C10orf88: variants seen among roughly 807,000 people sequenced by gnomAD.
C10orf88 encodes ATPase PAAT.
C10orf88 carries 29 observed loss-of-function variants against 34.2 expected under a neutral mutation model. The observed-to-expected ratio is 0.85, with a 90% CI of 0.63 to 1.16. The LOEUF (loss-of-function observed/expected upper bound fraction) is 1.16. C10orf88 is among the 50% of genes most tolerant of loss of function. The probability of loss-of-function intolerance (pLI) is 0.00; values close to 1 mark genes in which losing one functional copy is unlikely to be tolerated. For missense variants in C10orf88, 507 were observed against 533.2 expected, an observed-to-expected ratio of 0.95 and a Z score of 0.48; for synonymous variants, 194 against 197.4, an observed-to-expected ratio of 0.98 and a Z score of 0.15.
At chr10:122,938,192 A>G in intron 4 of C10orf88, 33 bp from the exon 5 acceptor site, 1 of 1,506,180 alleles carries the variant, frequency 6.6e-7, no homozygotes, top group Non-Finnish European at 9.0e-7. Context: ...TGTTAATATT[A>G]ATAACACTGA....
chr10:122,949,942 C>A (rs149254582), intron 3 of C10orf88, among the ~76,000 whole-genome samples: 2 of 152,294 alleles, frequency 1.3e-5, no homozygotes, highest in Non-Finnish European at 2.9e-5. Context: ...ATTTTTCTAA[C>A]TTGTTAAAGG....
chr10:122,932,371 TGGC>T lies in C10orf88; in HGVS notation c.*53_*55del. On this transcript the variant is annotated 3_prime_UTR_variant, in exon 6 of 6. Coordinates refer to ENST00000481909, the MANE Select transcript of C10orf88 (RefSeq NM_024942.4). ...GCTTTTTATAAATATTTTTGGGTTT[TGGC>T]TTTGTAATAAATATGTAATAAATAT... is the stretch of plus-strand genomic sequence containing the variant. 2 of 1,427,364 alleles carry T rather than the reference TGGC, an allele frequency of 1.4e-6. No individual in the cohort carries two copies. The highest frequency in any genetic ancestry group is 1.3e-5 in the South Asian group (1 of 77,134). 88.4% of individuals were successfully genotyped at this position (1,427,364 alleles called of 1,614,324 possible). A position where few individuals can be genotyped will look rare whatever the true frequency, so the allele number is the denominator to read the frequency against.
chr10:122,941,912 A>T (rs375277119), intron 4 of C10orf88, among the ~76,000 whole-genome samples: 6 of 152,060 alleles, frequency 3.9e-5, no homozygotes, highest in South Asian at 2.1e-4. Flanking sequence ...CTACATGCAT[A>T]AAAAAACTCT....
intron 1 of C10orf88, among the ~76,000 whole-genome samples, chr10:122,953,239 G>A (rs1848709881): frequency 6.6e-6 from 1 of 152,096 alleles, no homozygotes; most frequent in African/African-American, 2.4e-5. Context: ...CACCGCGCCC[G>A]GCTAATTTTT....
intron 4 of C10orf88, among the ~76,000 whole-genome samples, chr10:122,946,737 G>A (rs1330521824): frequency 6.6e-6 from 1 of 152,138 alleles, no homozygotes; most frequent in East Asian, 1.9e-4. Context: ...GGTTGGCTAA[G>A]AAAGGTGTCA....
At chr10:122,949,525 T>C (rs999475747) in intron 3 of C10orf88, among the ~76,000 whole-genome samples, 1 of 152,156 alleles carries the variant, frequency 6.6e-6, no homozygotes, top group Admixed American at 6.6e-5. Context: ...CAGTAACATA[T>C]ACAGCAGGGA....
At chr10:122,938,492 T>G (rs887072409) in intron 4 of C10orf88, among the ~76,000 whole-genome samples, 22 of 152,062 alleles carry the variant, frequency 1.4e-4, no homozygotes, top group African/African-American at 5.1e-4. Flanking sequence ...ACACTAATGT[T>G]TCCACTACAA....
At chr10:122,953,990 C>T (rs1282165145) in intron 1 of C10orf88, 25 bp downstream of exon 1, 1 of 1,503,222 alleles carries the variant, frequency 6.7e-7, no homozygotes, top group Admixed American at 2.2e-5. Context: ...AGCATAGCGA[C>T]CCCGTCCCCG....
intron 1 of C10orf88, among the ~76,000 whole-genome samples, 168 bp downstream of exon 1, chr10:122,953,847 C>A (rs1455732818): frequency 3.3e-5 from 5 of 151,610 alleles, no homozygotes; most frequent in Non-Finnish European, 7.4e-5. Flanking sequence ...GGACCCACCC[C>A]CCTCCGCCCA....
At chr10:122,940,702 G>A (rs977390996) in intron 4 of C10orf88, among the ~76,000 whole-genome samples, 1 of 152,036 alleles carries the variant, frequency 6.6e-6, no homozygotes, top group Admixed American at 6.6e-5. Flanking sequence ...GTGCCTGGTA[G>A]CTAATCCTTT....
Position 122,931,017 on chromosome 10 carries a change from C to G in C10orf88, c.*1410G>C, listed in dbSNP as rs1364693110. 6.6e-6 allele frequency: 1 copy of G among 152,104 alleles called. No homozygotes were observed. Among genetic ancestry groups the G allele is most frequent in the Admixed American group, 6.5e-5 (1 of 15,276 alleles). 9.4% of individuals were successfully genotyped at this position (152,104 alleles called of 1,614,324 possible). Reference sequence around the variant, plus strand: ...GTGAGGGGGTTAAAATATAATTTTTCTAATAAAGGTGTTTCACATTCAAGC... The same window carrying G: ...GTGAGGGGGTTAAAATATAATTTTTGTAATAAAGGTGTTTCACATTCAAGC... On this transcript the variant is annotated 3_prime_UTR_variant, in exon 6 of 6. Transcript: ENST00000481909.
At chr10:122,953,801 C>A (rs533497257) in intron 1 of C10orf88, among the ~76,000 whole-genome samples, 3 of 152,244 alleles carry the variant, frequency 2.0e-5, no homozygotes, top group African/African-American at 4.8e-5. Flanking sequence ...TCACCTTCCC[C>A]CTCTCACGCC....
In C10orf88 at chr10:122,952,923, T is replaced by A; in HGVS notation, c.274A>T (p.Ile92Phe). The change falls in exon 2 of 6, where the codon ATT becomes TTT. Residue 92 changes from isoleucine (I) to phenylalanine (F), a missense_variant. Physicochemically the swap from Ile to Phe is conservative, Grantham distance 21. Transcript: ENST00000481909. ...DGGEEIASIG[I>F]LSSARNMEVY... ...TCCATATTTCTTGCTGAACTTAAAA[T>A]GCCAATAGAAGCGATTTCTTCACCT... The A allele has an allele frequency of 3.7e-6, 6 of 1,614,172 alleles. No individual in the cohort carries two copies. Among genetic ancestry groups the A allele is most frequent in the Non-Finnish European group, 5.1e-6 (6 of 1,180,020 alleles).
intron 3 of C10orf88, among the ~76,000 whole-genome samples, chr10:122,949,393 G>A (rs145470025): frequency 2.6e-5 from 4 of 152,180 alleles, no homozygotes; most frequent in Admixed American, 6.5e-5. Context: ...CTGTAATGAC[G>A]TGACATGATA....
Position 122,932,423 on chromosome 10 carries a change from G to C in C10orf88, c.*4C>G. 6.2e-7 allele frequency: 1 copy of C among 1,602,676 alleles called. No homozygotes were observed. Among genetic ancestry groups the C allele is most frequent in the South Asian group, 1.1e-5 (1 of 90,626 alleles). ...ATCTGCAGTACACTGTTTATGTTGA[G>C]AGCTTATCTTTCTCCATTTGAAAGT... On this transcript the variant is annotated 3_prime_UTR_variant, in exon 6 of 6. Coordinates refer to ENST00000481909, the MANE Select transcript of C10orf88 (RefSeq NM_024942.4).
chr10:122,936,330 T>G (rs79613320), intron 5 of C10orf88, among the ~76,000 whole-genome samples: 2,199 of 151,962 alleles, frequency 0.014, 33 homozygotes, highest in East Asian at 0.072. Flanking sequence ...CGGATACTGA[T>G]GATTGCATCT....
chr10:122,954,181 CG>C lies in C10orf88; in HGVS notation c.-4del. The C allele has an allele frequency of 6.4e-7, 1 of 1,561,048 alleles. No homozygotes were observed. The highest frequency in any genetic ancestry group is 8.6e-7 in the Non-Finnish European group (1 of 1,160,700). On this transcript the variant is annotated 5_prime_UTR_variant, in exon 1 of 6. Coordinates refer to ENST00000481909, the MANE Select transcript of C10orf88 (RefSeq NM_024942.4). ...CCGTCCTCGGTCCGCGTCTCCATTC[CG>C]CCGCCTTCAGTCAGGCCAGCCCAGC... is the stretch of plus-strand genomic sequence containing the variant.
At chr10:122,952,797 G>A in intron 2 of C10orf88, 32 bp downstream of exon 2, 1 of 1,609,842 alleles carries the variant, frequency 6.2e-7, no homozygotes, top group East Asian at 2.2e-5. Context: ...CACTACTTCA[G>A]AAGAACACTT....
intron 5 of C10orf88, among the ~76,000 whole-genome samples, chr10:122,936,135 T>G (rs2133328402): frequency 6.6e-6 from 1 of 152,088 alleles, no homozygotes; most frequent in Middle Eastern, 3.4e-3. Context: ...ATATTTTTAG[T>G]GGTTATAGGA....
Sources: allele counts gnomAD v4.1 joint callset (sites outside exome capture counted in the v4.1 genomes callset), GRCh38; gene constraint gnomAD v4.1.1; transcripts MANE v1.5; gene names NCBI Gene and HGNC (gene_info 2026-07-23, HGNC 2026-07-21).